The following DDX4 variants were observed in gnomAD, a reference collection of about 807,000 sequenced individuals.
DDX4 encodes probable ATP-dependent RNA helicase DDX4.
A neutral mutation model predicts 100.0 loss-of-function variants in DDX4; 25 were observed. That is an observed-to-expected ratio of 0.25 (90% confidence interval 0.18 to 0.35). The LOEUF (loss-of-function observed/expected upper bound fraction) is 0.35, where lower values mean the gene tolerates loss of function less well. DDX4 is among the 10% of genes least tolerant of loss of function. The pLI, the probability that DDX4 is intolerant of heterozygous loss-of-function variation, is 1.00. For missense variants in DDX4, 635 were observed against 882.4 expected, an observed-to-expected ratio of 0.72 and a Z score of 3.55; for synonymous variants, 259 against 275.7, an observed-to-expected ratio of 0.94 and a Z score of 0.60.
Position 55,779,944 on chromosome 5 carries a change from T to A in DDX4, c.395-20T>A. On this transcript the variant is annotated intron_variant, in intron 7 of 21. Transcript: ENST00000505374. ...TTGTTGTTGTTTTGTGTTGTTCTTG[T>A]GTGTGTTTTAACATTATAGGCTATC... 3 of 1,609,194 alleles carry A rather than the reference T, an allele frequency of 1.9e-6. No individual in the cohort carries two copies. In the South Asian group the frequency reaches 3.3e-5, roughly 18 times the overall value.
At chr5:55,739,209 TG>T (rs1758852724) in intron 2 of DDX4, among the ~76,000 whole-genome samples, 177 bp downstream of exon 2, 2 of 152,214 alleles carry the variant, frequency 1.3e-5, no homozygotes, top group Non-Finnish European at 2.9e-5. Flanking sequence ...TACAATAGCT[TG>T]AGGCAATTTG....
In DDX4 at chr5:55,813,080, G is replaced by A. The variant is rs143012132; in HGVS notation, c.1616-593G>A. ...TCCGGCCCATGCTTGAATTTCTACC[G>A]GTTAAATATTTTAAGGAGTAAATAT... On this transcript the variant is annotated intron_variant, in intron 18 of 21. Transcript: ENST00000505374. 1.3e-4 allele frequency among the ~76,000 whole-genome samples: 19 copies of A among 151,966 alleles called. No homozygotes were observed. The East Asian group carries it at 1.9e-3, about 15-fold the overall frequency.
At chr5:55,776,524 A>C (rs926917792) in intron 7 of DDX4, among the ~76,000 whole-genome samples, 1 of 152,234 alleles carries the variant, frequency 6.6e-6, no homozygotes, top group African/African-American at 2.4e-5. Context: ...CTATAAAACT[A>C]CTAGAGAAAA....
chr5:55,805,904 A>G (rs1468004053), intron 18 of DDX4, among the ~76,000 whole-genome samples: 34 of 152,230 alleles, frequency 2.2e-4, no homozygotes, highest in Non-Finnish European at 1.5e-5. Context: ...GAATGGTACC[A>G]GCTCCTCCTT....
At chr5:55,738,857 C>T in intron 1 of DDX4, 93 bp from the exon 2 acceptor site, 2 of 803,680 alleles carry the variant, frequency 2.5e-6, no homozygotes, top group South Asian at 3.1e-5. Context: ...TGGGTAGTTT[C>T]AAGATGTATG....
rs1038782503 is a variant in DDX4 at position 55,815,129 on chromosome 5, G to A, written c.1944G>A (p.Ser648=). 36 of 1,613,994 alleles carry A rather than the reference G, an allele frequency of 2.2e-5. No homozygotes were observed. The highest frequency in any genetic ancestry group is 4.4e-5 in the South Asian group (4 of 91,076). The change falls in exon 20 of 22, where the codon TCG becomes TCA. Residue 648 remains serine (S), a synonymous_variant. Coordinates refer to ENST00000505374, the MANE Select transcript of DDX4 (RefSeq NM_024415.3). ...GRAISFFDLE[S]DNHLAQPLVK... The stretch of plus-strand genomic sequence containing the variant: ...CAATTTCCTTTTTTGATCTTGAATC[G>A]GATAACCATTTAGCACAGCCTCTAG...
chr5:55,780,576 G>C (rs1580563608), intron 8 of DDX4, among the ~76,000 whole-genome samples: 1 of 152,210 alleles, frequency 6.6e-6, no homozygotes, highest in African/African-American at 2.4e-5. Context: ...ATGCGTAGCA[G>C]ACTAGTGAAT....
chr5:55,755,885 C>T (rs1336044976), intron 3 of DDX4, among the ~76,000 whole-genome samples: 3 of 152,116 alleles, frequency 2.0e-5, no homozygotes, highest in East Asian at 3.8e-4. Flanking sequence ...CCCTTGAAGC[C>T]TTCCTTTTTC....
chr5:55,779,623 G>A (rs1310438514), intron 7 of DDX4, among the ~76,000 whole-genome samples: 1 of 152,114 alleles, frequency 6.6e-6, no homozygotes, highest in African/African-American at 2.4e-5. Flanking sequence ...TACAAGCCTA[G>A]GATTTATTTA....
intron 4 of DDX4, among the ~76,000 whole-genome samples, chr5:55,762,773 T>C (rs933159399): frequency 4.6e-5 from 7 of 151,958 alleles, no homozygotes; most frequent in Non-Finnish European, 7.4e-5. Flanking sequence ...ATATAAGAAA[T>C]AGAAAAATAA....
chr5:55,772,838 AAATCTTGAGCCAAAT>A (rs1315763834), intron 7 of DDX4, among the ~76,000 whole-genome samples: 1 of 152,208 alleles, frequency 6.6e-6, no homozygotes, highest in Non-Finnish European at 1.5e-5. Flanking sequence ...TTCAGATATC[AAATCTTGAGCCAAAT>A]AAACCTTTTT....
chr5:55,744,894 G>A (rs1344450236), intron 2 of DDX4, among the ~76,000 whole-genome samples: 1 of 151,634 alleles, frequency 6.6e-6, no homozygotes, highest in African/African-American at 2.4e-5. Context: ...TTTTGAGATG[G>A]TGTGAGACAG....
intron 18 of DDX4, among the ~76,000 whole-genome samples, chr5:55,811,795 A>T (rs1312710814): frequency 6.6e-6 from 1 of 152,238 alleles, no homozygotes; most frequent in Non-Finnish European, 1.5e-5. Context: ...ATTATCTTCA[A>T]GATGATGTTT....
intron 10 of DDX4, 158 bp downstream of exon 10, chr5:55,782,139 C>A: frequency 1.3e-6 from 1 of 757,672 alleles, no homozygotes; most frequent in Non-Finnish European, 2.1e-6. Flanking sequence ...ATTTACACAG[C>A]CTGTTTTAGA....
At chr5:55,753,554 A>G (rs1323636782) in intron 3 of DDX4, among the ~76,000 whole-genome samples, 6 of 152,130 alleles carry the variant, frequency 3.9e-5, no homozygotes, top group Admixed American at 3.9e-4. Flanking sequence ...TACCAGCACC[A>G]TGCTGTTTTG....
chr5:55,765,407 AAAAAAAATATATAT>A (rs1194719728), intron 6 of DDX4, among the ~76,000 whole-genome samples: 1 of 92,972 alleles, frequency 1.1e-5, no homozygotes, highest in African/African-American at 4.7e-5. Context: ...AAAAAAAAAA[AAAAAAAATATATAT>A]ATATATATAT....
chr5:55,800,795 T>G (rs1204553551), intron 18 of DDX4, among the ~76,000 whole-genome samples: 1 of 152,216 alleles, frequency 6.6e-6, no homozygotes, highest in African/African-American at 2.4e-5. Flanking sequence ...TTTTTTTGGT[T>G]TAGTGTTCAT....
chr5:55,738,724 T>G (rs924779424), intron 1 of DDX4, among the ~76,000 whole-genome samples: 3 of 152,172 alleles, frequency 2.0e-5, no homozygotes, highest in African/African-American at 7.2e-5. Flanking sequence ...ATTGCTAGAA[T>G]GACTAGGTAA....
intron 2 of DDX4, among the ~76,000 whole-genome samples, chr5:55,741,883 C>T (rs761251845): frequency 2.0e-5 from 3 of 151,932 alleles, no homozygotes; most frequent in Non-Finnish European, 2.9e-5. Context: ...TTAAAGACAC[C>T]ATTTTGATTT....
Sources: gnomAD v4.1 joint callset for allele counts (sites outside exome capture counted in the v4.1 genomes callset) on GRCh38, gnomAD v4.1.1 for gene constraint, MANE v1.5 for transcripts, NCBI Gene and HGNC (gene_info 2026-07-23, HGNC 2026-07-21) for gene names.